MEI4: variants seen among roughly 807,000 people sequenced by gnomAD.
MEI4 encodes meiosis-specific protein MEI4.
Under a neutral mutation model 31.4 loss-of-function variants are expected in MEI4, and 27 were observed. The observed-to-expected ratio is 0.86, with a 90% CI of 0.63 to 1.19. The LOEUF (loss-of-function observed/expected upper bound fraction) is 1.19, where lower values mean the gene tolerates loss of function less well. MEI4 is among the 50% of genes most tolerant of loss of function. The pLI is 0.00. For synonymous variants in MEI4, 122 were observed against 145.4 expected, an observed-to-expected ratio of 0.84 and a Z score of 1.16; for missense variants, 329 against 398.9, an observed-to-expected ratio of 0.82 and a Z score of 1.49.
In MEI4 at chr6:77,760,235, C is replaced by CAT. The variant is rs576575188; in HGVS notation, c.233-887_233-886dup. Among the ~76,000 whole-genome samples the CAT allele has an allele frequency of 9.9e-5, 15 of 151,930 alleles. 1 individual carries two copies. In the South Asian group the frequency reaches 3.1e-3, roughly 32 times the overall value. ...ACATGTATATACATATATATACACACATATATATACACACATATATGATAT... is the reference window on the plus strand; with the variant it reads ...ACATGTATATACATATATATACACACATATATATATACACACATATATGATAT... On this transcript the variant is annotated intron_variant, in intron 2 of 4. Transcript: ENST00000684080.
intron 4 of MEI4, among the ~76,000 whole-genome samples, chr6:77,880,057 C>A (rs1771441335): frequency 6.6e-6 from 1 of 152,170 alleles, no homozygotes; most frequent in Admixed American, 6.5e-5. Flanking sequence ...ACAGAAATAA[C>A]TGTGATAATA....
intron 2 of MEI4, among the ~76,000 whole-genome samples, chr6:77,711,342 A>G (rs548120237): frequency 1.3e-5 from 2 of 152,262 alleles, no homozygotes; most frequent in South Asian, 2.1e-4. Context: ...ATGTATATAT[A>G]TGTGTGTGTG....
chr6:77,735,846 TCTAAC>T (rs1174440925), intron 2 of MEI4, among the ~76,000 whole-genome samples: 2 of 152,062 alleles, frequency 1.3e-5, no homozygotes, highest in Non-Finnish European at 2.9e-5. Flanking sequence ...TAGTTTTCCT[TCTAAC>T]AGACAGGACC....
chr6:77,887,545 C>A (rs538773813), intron 4 of MEI4, among the ~76,000 whole-genome samples: 2 of 152,136 alleles, frequency 1.3e-5, no homozygotes, highest in African/African-American at 2.4e-5. Flanking sequence ...GATCCACCCC[C>A]CTCAGCCTCC....
chr6:77,835,224 G>C (rs1770185502), intron 4 of MEI4, among the ~76,000 whole-genome samples: 1 of 150,794 alleles, frequency 6.6e-6, no homozygotes, highest in Admixed American at 6.6e-5. Context: ...GCCGGGCGCG[G>C]TGGTGCATGC....
intron 2 of MEI4, among the ~76,000 whole-genome samples, chr6:77,758,929 C>T (rs944578158): frequency 6.6e-6 from 1 of 152,176 alleles, no homozygotes; most frequent in African/African-American, 2.4e-5. Context: ...CCAGTCTTCA[C>T]TTACTTTCTT....
chr6:77,804,259 C>A (rs534912606), intron 3 of MEI4, among the ~76,000 whole-genome samples: 1 of 151,898 alleles, frequency 6.6e-6, no homozygotes, highest in Non-Finnish European at 1.5e-5. Context: ...GAGCCATGTA[C>A]GGGATATAAT....
intron 3 of MEI4, among the ~76,000 whole-genome samples, chr6:77,783,094 CAGA>C (rs1245500783): frequency 6.6e-6 from 1 of 152,068 alleles, no homozygotes; most frequent in African/African-American, 2.4e-5. Context: ...ATCTGGGAAA[CAGA>C]AGAATTGAGT....
At chr6:77,745,781 C>T (rs1767582041) in intron 2 of MEI4, among the ~76,000 whole-genome samples, 3 of 152,176 alleles carry the variant, frequency 2.0e-5, no homozygotes, top group Non-Finnish European at 2.9e-5. Flanking sequence ...TCTCAGACCA[C>T]AGTGCAATCA....
chr6:77,674,499 C>A (rs955480385), intron 1 of MEI4, among the ~76,000 whole-genome samples: 3 of 152,118 alleles, frequency 2.0e-5, no homozygotes, highest in South Asian at 2.1e-4. Flanking sequence ...CATTGTGTTG[C>A]AGTTGCCTGA....
chr6:77,823,088 C>T (rs1769865936), intron 3 of MEI4, among the ~76,000 whole-genome samples: 1 of 152,008 alleles, frequency 6.6e-6, no homozygotes, highest in Non-Finnish European at 1.5e-5. Flanking sequence ...TTTGTTTTGT[C>T]CTATTCTTTA....
chr6:77,791,830 T>G (rs1193331131), intron 3 of MEI4, among the ~76,000 whole-genome samples: 1 of 152,210 alleles, frequency 6.6e-6, no homozygotes, highest in East Asian at 1.9e-4. Flanking sequence ...TATTATTAAC[T>G]GTAATTATGT....
chr6:77,700,761 C>A (rs1223029834), intron 2 of MEI4, among the ~76,000 whole-genome samples: 1 of 152,208 alleles, frequency 6.6e-6, no homozygotes, highest in South Asian at 2.1e-4. Context: ...TTTTCTACAG[C>A]ATTTCAGGAA....
chr6:77,835,123 A>G (rs916417492), intron 4 of MEI4, among the ~76,000 whole-genome samples: 1 of 149,250 alleles, frequency 6.7e-6, no homozygotes, highest in African/African-American at 2.4e-5. Flanking sequence ...TATACTTTTT[A>G]TATTATATAT....
chr6:77,702,386 A>G lies in MEI4; in HGVS notation c.232+11483A>G, dbSNP rs563473796. Among the ~76,000 whole-genome samples the G allele has an allele frequency of 3.3e-5, 5 of 152,374 alleles. No individual in the cohort carries two copies. In the East Asian group the frequency reaches 9.6e-4, roughly 29 times the overall value. Reference sequence around the variant, plus strand: ...CTCAGTTCCCATATAAGCTTTCATAATATAAATTGTCTAATACAATAATGA... The same window carrying G: ...CTCAGTTCCCATATAAGCTTTCATAGTATAAATTGTCTAATACAATAATGA... On this transcript the variant is annotated intron_variant, in intron 2 of 4. Transcript: ENST00000684080.
At chr6:77,867,361 C>T (rs558873896) in intron 4 of MEI4, among the ~76,000 whole-genome samples, 1 of 152,274 alleles carries the variant, frequency 6.6e-6, no homozygotes, top group African/African-American at 2.4e-5. Context: ...CTACAATGAA[C>T]TCAAACAAAT....
At chr6:77,851,655 G>GA (rs1308805750) in intron 4 of MEI4, among the ~76,000 whole-genome samples, 1 of 109,538 alleles carries the variant, frequency 9.1e-6, no homozygotes, top group Non-Finnish European at 1.8e-5. Flanking sequence ...AGGGGGGAGG[G>GA]ATAGCATTAG....
intron 1 of MEI4, among the ~76,000 whole-genome samples, chr6:77,672,895 A>T (rs996476): frequency 2.0e-5 from 3 of 152,066 alleles, no homozygotes; most frequent in African/African-American, 7.2e-5. Flanking sequence ...AATATTTGTA[A>T]TGAATGTATG....
chr6:77,773,993 T>C (rs888606420), intron 3 of MEI4, among the ~76,000 whole-genome samples: 2 of 152,032 alleles, frequency 1.3e-5, no homozygotes, highest in Non-Finnish European at 2.9e-5. Flanking sequence ...AAATGGCTTT[T>C]ATTAAAAAGA....
Sources: gnomAD v4.1 joint callset for allele counts (sites outside exome capture counted in the v4.1 genomes callset) on GRCh38, gnomAD v4.1.1 for gene constraint, MANE v1.5 for transcripts, NCBI Gene and HGNC (gene_info 2026-07-23, HGNC 2026-07-21) for gene names.